Variants in ZNF670 observed in about 807,000 individuals in gnomAD.
ZNF670 encodes the protein zinc finger protein 670.
ZNF670 carries 7 observed loss-of-function variants against 10.9 expected under a neutral mutation model. The ratio of observed to expected loss-of-function variants is 0.64; its 90% CI spans 0.36 to 1.20. The LOEUF (loss-of-function observed/expected upper bound fraction) is 1.20. Ranked by LOEUF, ZNF670 falls within the 50% of genes most tolerant of loss-of-function variation. The pLI, the probability that ZNF670 is intolerant of heterozygous loss-of-function variation, is 0.02. For missense variants in ZNF670, 446 were observed against 458.6 expected, an observed-to-expected ratio of 0.97 and a Z score of 0.25; for synonymous variants, 136 against 152.7, an observed-to-expected ratio of 0.89 and a Z score of 0.81.
In ZNF670 at chr1:247,052,481, T is replaced by C. The variant is rs552391257; in HGVS notation, c.4-12944A>G. Reference sequence around the variant, plus strand: ...GGCCTGGATACCAATACCTGCTTCATTGGATGTAGCAGGGGAGTCAGGTGG... The same window carrying C: ...GGCCTGGATACCAATACCTGCTTCACTGGATGTAGCAGGGGAGTCAGGTGG... On this transcript the variant is annotated intron_variant, in intron 1 of 3. Coordinates refer to ENST00000366503, the MANE Select transcript of ZNF670 (RefSeq NM_033213.5). Among the ~76,000 whole-genome samples the C allele has an allele frequency of 6.6e-5, 10 of 152,278 alleles. No homozygotes were observed. The East Asian group carries it at 7.7e-4, about 12-fold the overall frequency.
chr1:247,074,584 A>C (rs768737992), intron 1 of ZNF670, among the ~76,000 whole-genome samples: 9 of 152,044 alleles, frequency 5.9e-5, no homozygotes, highest in Non-Finnish European at 1.0e-4. Flanking sequence ...GGCATCAGGG[A>C]TCAGTTTCAT....
intron 1 of ZNF670, among the ~76,000 whole-genome samples, chr1:247,040,852 C>T (rs1235000618): frequency 3.9e-5 from 6 of 152,060 alleles, no homozygotes; most frequent in East Asian, 3.9e-4. Flanking sequence ...TGTGTCACCA[C>T]GCCCAGCTGA....
rs1055313334 is a variant in ZNF670, at chr1:247,047,501, T to A, written c.4-7964A>T. On this transcript the variant is annotated intron_variant, in intron 1 of 3. Coordinates refer to ENST00000366503, the MANE Select transcript of ZNF670 (RefSeq NM_033213.5). ...CAGCAAACTTCTGCCTAGACGTCCA[T>A]GTATTTCCATACATCCTCTGAAATT... 2.0e-5 allele frequency among the ~76,000 whole-genome samples: 3 copies of A among 150,764 alleles called. No homozygotes were observed. The South Asian group carries it at 6.4e-4, about 32-fold the overall frequency.
In ZNF670 at chr1:247,043,507, G is replaced by A. The variant is rs549534471; in HGVS notation, c.4-3970C>T. 35 of 652,604 alleles carry A rather than the reference G, an allele frequency of 5.4e-5. No individual in the cohort carries two copies. In the East Asian group the frequency reaches 1.6e-3, roughly 30 times the overall value. The allele number at this position is 652,604 out of a possible 1,614,324, so 40.4% of individuals were successfully genotyped here. A position where few individuals can be genotyped will look rare whatever the true frequency, so the allele number is the denominator to read the frequency against. ...ATATTCTCAAAAATAACAAAAGCTG[G>A]GATAAGATTTTAGCCCTTGTTCCTG... On this transcript the variant is annotated intron_variant, in intron 1 of 3. Transcript: ENST00000366503.
Position 247,042,820 on chromosome 1 carries a change from T to G in ZNF670, c.4-3283A>C, listed in dbSNP as rs1268329175. 3 of 533,906 alleles carry G rather than the reference T, an allele frequency of 5.6e-6. No homozygotes were observed. In the East Asian group the frequency reaches 1.1e-4, roughly 20 times the overall value. The allele number at this position is 533,906 out of a possible 1,614,324, so 33.1% of individuals were successfully genotyped here. A position where few individuals can be genotyped will look rare whatever the true frequency, so the allele number is the denominator to read the frequency against. On this transcript the variant is annotated intron_variant, in intron 1 of 3. Coordinates refer to ENST00000366503, the MANE Select transcript of ZNF670 (RefSeq NM_033213.5). ...AAATGTCTGACCCCACCACGCTGTC[T>G]GAGCTACTGAAATGTTATTACCAGA...
intron 1 of ZNF670, among the ~76,000 whole-genome samples, chr1:247,050,491 T>TC (rs1200677638): frequency 6.6e-6 from 1 of 151,424 alleles, no homozygotes; most frequent in African/African-American, 2.4e-5. Context: ...TTTTTTTTTT[T>TC]TTGAGACAGA....
chr1:247,074,830 A>G (rs1377681839), intron 1 of ZNF670, among the ~76,000 whole-genome samples: 1 of 152,122 alleles, frequency 6.6e-6, no homozygotes, highest in Admixed American at 6.5e-5. Flanking sequence ...CATGGCCTGG[A>G]TCCTAACAGG....
chr1:247,064,951 G>A (rs1670947715), intron 1 of ZNF670, among the ~76,000 whole-genome samples: 1 of 152,028 alleles, frequency 6.6e-6, no homozygotes, highest in Non-Finnish European at 1.5e-5. Flanking sequence ...TGGGACCACA[G>A]GTGCGCACCA....
At chr1:247,050,055 T>C (rs920763623) in intron 1 of ZNF670, among the ~76,000 whole-genome samples, 1 of 152,242 alleles carries the variant, frequency 6.6e-6, no homozygotes, top group African/African-American at 2.4e-5. Flanking sequence ...TTCTATGATA[T>C]AGTCAAGACC....
At chr1:247,052,341 G>A (rs1289486599) in intron 1 of ZNF670, among the ~76,000 whole-genome samples, 1 of 152,092 alleles carries the variant, frequency 6.6e-6, no homozygotes, top group Non-Finnish European at 1.5e-5. Flanking sequence ...GACCCAGAAG[G>A]CAGTGACTGT....
chr1:247,038,854 G>A lies in ZNF670; in HGVS notation c.147C>T (p.Asp49=), dbSNP rs1350542125. 6.2e-7 allele frequency: 1 copy of A among 1,612,026 alleles called. No individual in the cohort carries two copies. Among genetic ancestry groups the A allele is most frequent in the South Asian group, 1.1e-5 (1 of 90,906 alleles). The change falls in exon 3 of 4, where the codon GAC becomes GAT. Residue 49 remains aspartate (D), a synonymous_variant. Transcript: ENST00000366503. ...NLASVGNKSE[D]QNIQDDFKNP... ...TTTTGAAGTCATCTTGGATATTCTG[G>A]TCTTCTGATTTGTTTCCTAAAAGGT...
intron 1 of ZNF670, among the ~76,000 whole-genome samples, chr1:247,077,865 C>G (rs1671288641): frequency 6.6e-6 from 1 of 152,052 alleles, no homozygotes. Context: ...CGCTTGAGCC[C>G]GAGTCCAAGA....
chr1:247,051,650 G>A (rs1050461807), intron 1 of ZNF670, among the ~76,000 whole-genome samples: 2 of 152,122 alleles, frequency 1.3e-5, no homozygotes, highest in Admixed American at 6.5e-5. Context: ...GTATTTGGAT[G>A]TCTAGATCTC....
chr1:247,070,211 C>T (rs1260854433), intron 1 of ZNF670, among the ~76,000 whole-genome samples: 2 of 152,134 alleles, frequency 1.3e-5, no homozygotes, highest in Non-Finnish European at 2.9e-5. Flanking sequence ...GTAGCTCACA[C>T]CTGTAATCCC....
At chr1:247,043,382 TA>T in intron 1 of ZNF670, 1 of 540,366 alleles carries the variant, frequency 1.9e-6, no homozygotes. Context: ...GTCAAGATGT[TA>T]AAAAGAAAGT....
intron 1 of ZNF670, among the ~76,000 whole-genome samples, chr1:247,056,772 G>A (rs1237369316): frequency 1.3e-5 from 2 of 152,120 alleles, no homozygotes; most frequent in African/African-American, 4.8e-5. Context: ...TCAATAAATG[G>A]TGCTGGAAAA....
chr1:247,038,389 CCTT>C lies in ZNF670; in HGVS notation c.227_229del (p.Glu76del), dbSNP rs1285777937. 1 of 1,612,662 alleles carries C rather than the reference CCTT, an allele frequency of 6.2e-7. No homozygotes were observed. Among genetic ancestry groups the C allele is most frequent in the African/African-American group, 1.3e-5 (1 of 74,850 alleles). On this transcript the variant is annotated inframe_deletion, in exon 4 of 4. Transcript: ENST00000366503. The stretch of plus-strand genomic sequence containing the variant: ...GCTGAAGGTTTCTCCATATTGACTG[CCTT>C]CTTTAATTTCAAACAGTCTCTCTAC...
At chr1:247,053,514 T>A (rs1670645586) in intron 1 of ZNF670, among the ~76,000 whole-genome samples, 1 of 152,160 alleles carries the variant, frequency 6.6e-6, no homozygotes, top group Non-Finnish European at 1.5e-5. Context: ...CAGGCGCCTG[T>A]AGTCCCAGCT....
chr1:247,069,716 T>C (rs561113304), intron 1 of ZNF670, among the ~76,000 whole-genome samples: 15 of 152,264 alleles, frequency 9.9e-5, no homozygotes, highest in African/African-American at 3.4e-4. Flanking sequence ...CTAGAAGTCA[T>C]TAAGCTAAGT....
Sources: gnomAD v4.1 joint callset for allele counts (sites outside exome capture counted in the v4.1 genomes callset) on GRCh38, gnomAD v4.1.1 for gene constraint, MANE v1.5 for transcripts, NCBI Gene and HGNC (gene_info 2026-07-23, HGNC 2026-07-21) for gene names.